PBX1: variants seen among roughly 807,000 people sequenced by gnomAD.
PBX1 encodes PBX homeobox 1, also known as pre-B-cell leukemia transcription factor 1.
PBX1 carries 6 observed loss-of-function variants against 53.4 expected under a neutral mutation model. The observed-to-expected ratio is 0.11, with a 90% CI of 0.06 to 0.22. The LOEUF (loss-of-function observed/expected upper bound fraction) is 0.22, where lower values mean the gene tolerates loss of function less well. PBX1 is among the 10% of genes least tolerant of loss of function. PBX1 has a pLI of 1.00. For missense variants in PBX1, 251 were observed against 551.4 expected, an observed-to-expected ratio of 0.46 and a Z score of 5.46; for synonymous variants, 204 against 212.3, an observed-to-expected ratio of 0.96 and a Z score of 0.34.
At chr1:164,637,791 A>C (rs1658870003) in intron 2 of PBX1, among the ~76,000 whole-genome samples, 1 of 152,088 alleles carries the variant, frequency 6.6e-6, no homozygotes, top group South Asian at 2.1e-4. Context: ...CCTGGGGAGG[A>C]GATTATTTCA....
downstream of PBX1, among the ~76,000 whole-genome samples, chr1:164,853,189 G>A (rs766027754): frequency 9.9e-5 from 15 of 152,154 alleles, no homozygotes; most frequent in Non-Finnish European, 1.9e-4. Context: ...GAAGGGAAAG[G>A]GTGTGAAGAA....
intron 2 of PBX1, among the ~76,000 whole-genome samples, chr1:164,733,990 G>A (rs1424287374): frequency 1.3e-5 from 2 of 152,140 alleles, no homozygotes; most frequent in Non-Finnish European, 2.9e-5. Context: ...CTGGGCTTTG[G>A]CGTATGCATG....
chr1:164,740,216 C>T (rs893280233), intron 2 of PBX1, among the ~76,000 whole-genome samples: 3 of 152,164 alleles, frequency 2.0e-5, no homozygotes, highest in Admixed American at 6.5e-5. Context: ...TTCTTAGACC[C>T]AGCACCTTGG....
chr1:164,592,854 T>G (rs981369177), intron 2 of PBX1, among the ~76,000 whole-genome samples: 1 of 152,216 alleles, frequency 6.6e-6, no homozygotes, highest in African/African-American at 2.4e-5. Flanking sequence ...TTTTCTGTCG[T>G]GAGCACTCAC....
At chr1:164,634,208 A>G (rs1658594822) in intron 2 of PBX1, among the ~76,000 whole-genome samples, 1 of 152,082 alleles carries the variant, frequency 6.6e-6, no homozygotes, top group African/African-American at 2.4e-5. Flanking sequence ...TGAAGCCTGT[A>G]ATTGTGGGGT....
At chr1:164,583,208 T>G (rs1442411952) in intron 2 of PBX1, among the ~76,000 whole-genome samples, 2 of 152,124 alleles carry the variant, frequency 1.3e-5, no homozygotes, top group Admixed American at 6.6e-5. Flanking sequence ...TATAGATTGC[T>G]TAAACTACAC....
In PBX1 at chr1:164,690,730, A is replaced by G. The variant is rs1662419377; in HGVS notation, c.266-101764A>G. 3.9e-5 allele frequency among the ~76,000 whole-genome samples: 6 copies of G among 152,172 alleles called. No individual in the cohort carries two copies. In the South Asian group the frequency reaches 1.2e-3, roughly 32 times the overall value. On this transcript the variant is annotated intron_variant, in intron 2 of 8. Transcript: ENST00000420696. ...TATATTTTGTTTTCATATCACACCA[A>G]TATTCAGTATATGTTAACCTGTTGG...
chr1:164,559,872 C>G lies in PBX1; in HGVS notation c.50C>G (p.Ala17Gly). The G allele has an allele frequency of 6.4e-7, 1 of 1,550,518 alleles. No individual in the cohort carries two copies. The highest frequency in any genetic ancestry group is 8.7e-7 in the Non-Finnish European group (1 of 1,146,756). Residue 17 changes from alanine to glycine, a missense_variant, in exon 1 of 9, where the codon GCC becomes GGC. Physicochemically the swap from Ala to Gly is moderately conservative, Grantham distance 60 (BLOSUM62 0). Coordinates refer to ENST00000420696, the MANE Select transcript of PBX1 (RefSeq NM_002585.4). The stretch of plus-strand genomic sequence containing the variant: ...CATTCCCATGCTGGGGTCGGGATGG[C>G]CGGACACCCCGGCCTGTCCCAGCAC... ...LMHSHAGVGM[A>G]GHPGLSQHLQ... is the part of the protein sequence containing the mutation.
intron 2 of PBX1, among the ~76,000 whole-genome samples, chr1:164,747,505 G>C (rs866133089): frequency 3.9e-5 from 6 of 152,112 alleles, no homozygotes; most frequent in South Asian, 2.1e-4. Context: ...CTGCTAGATA[G>C]ACTTTAGGTT....
At chr1:164,679,758 G>A (rs1281499541) in intron 2 of PBX1, among the ~76,000 whole-genome samples, 1 of 152,166 alleles carries the variant, frequency 6.6e-6, no homozygotes, top group Non-Finnish European at 1.5e-5. Flanking sequence ...CCTGTGAGTA[G>A]CACTATAGGT....
At chr1:164,711,548 C>T (rs1341303144) in intron 2 of PBX1, among the ~76,000 whole-genome samples, 1 of 152,240 alleles carries the variant, frequency 6.6e-6, no homozygotes, top group Non-Finnish European at 1.5e-5. Flanking sequence ...CAGGCGTGAG[C>T]CACTGCGCCC....
intron 8 of PBX1, among the ~76,000 whole-genome samples, chr1:164,846,345 A>T (rs189155231): frequency 2.0e-4 from 31 of 152,254 alleles, no homozygotes; most frequent in Admixed American, 1.6e-3. Context: ...GGGAAGTATA[A>T]ACACATCATA....
intron 2 of PBX1, among the ~76,000 whole-genome samples, chr1:164,708,657 T>G (rs1005410890): frequency 1.3e-5 from 2 of 152,228 alleles, no homozygotes; most frequent in African/African-American, 4.8e-5. Flanking sequence ...AGTATTTGAT[T>G]TTTTGTTTCT....
intron 2 of PBX1, chr1:164,642,306 T>G (rs1659191529): frequency 1.3e-5 from 2 of 152,300 alleles, no homozygotes; most frequent in South Asian, 4.1e-4. Flanking sequence ...GCCAAGGGGA[T>G]GCAATTATGA....
At chr1:164,625,624 A>G (rs1439799629) in intron 2 of PBX1, among the ~76,000 whole-genome samples, 1 of 152,176 alleles carries the variant, frequency 6.6e-6, no homozygotes, top group Non-Finnish European at 1.5e-5. Context: ...CACATTCATT[A>G]TCAGTGTCTT....
At chr1:164,871,623 C>T (rs1334958878) in intron 2 of PBX1, among the ~76,000 whole-genome samples, 1 of 152,152 alleles carries the variant, frequency 6.6e-6, no homozygotes, top group East Asian at 1.9e-4. Context: ...TAGCATTTCC[C>T]AGAGCCTTGC....
At chr1:164,862,071 A>G (rs192525721) in intron 2 of PBX1, among the ~76,000 whole-genome samples, 29 of 152,280 alleles carry the variant, frequency 1.9e-4, no homozygotes, top group African/African-American at 6.7e-4. Flanking sequence ...ATATGACTTA[A>G]GTTTTAACGT....
chr1:164,637,501 G>A (rs772161699), intron 2 of PBX1, among the ~76,000 whole-genome samples: 2 of 152,186 alleles, frequency 1.3e-5, no homozygotes, highest in East Asian at 3.8e-4. Flanking sequence ...GGGATTTTGG[G>A]CATCTGTTTT....
At position 164,588,797 on chromosome 1, in the gene PBX1, T is replaced by G. The variant is rs1655143698; in HGVS notation, c.265+25486T>G. ...CTTGTTTGAGCGCGTTGCCCCGGCC[T>G]TCTGTTTTCTTAAGCTCAGCCCCCT... On this transcript the variant is annotated intron_variant, in intron 2 of 8. Transcript: ENST00000420696. 2.0e-5 allele frequency among the ~76,000 whole-genome samples: 3 copies of G among 152,066 alleles called. No individual in the cohort carries two copies. In the South Asian group the frequency reaches 6.2e-4, roughly 32 times the overall value.
Sources: gnomAD v4.1 joint callset for allele counts (sites outside exome capture counted in the v4.1 genomes callset) on GRCh38, gnomAD v4.1.1 for gene constraint, MANE v1.5 for transcripts, NCBI Gene and HGNC (gene_info 2026-07-23, HGNC 2026-07-21) for gene names.